Variants in TICRR observed in about 807,000 individuals in gnomAD.
TICRR encodes the protein treslin.
Under a neutral mutation model 178.1 loss-of-function variants are expected in TICRR, and 132 were observed. The observed-to-expected ratio is 0.74, with a 90% CI of 0.64 to 0.86. The LOEUF is 0.86. TICRR is among the 40% of genes least tolerant of loss of function. TICRR has a pLI of 0.00. For missense variants in TICRR, 2,587 were observed against 2,334.3 expected, an observed-to-expected ratio of 1.11 and a Z score of -2.23; for synonymous variants, 991 against 900.7, an observed-to-expected ratio of 1.10 and a Z score of -1.79.
In TICRR at chr15:89,601,887, T is replaced by A. The variant is rs202042800; in HGVS notation, c.2478T>A (p.Pro826=). ...ACAAATCACCACTTCTTTCTGTGCCTTTTTTGTCAAGTGCTCGTAGATCAG... is the reference window on the plus strand; with the variant it reads ...ACAAATCACCACTTCTTTCTGTGCCATTTTTGTCAAGTGCTCGTAGATCAG... The part of the protein sequence containing the change: ...QENKSPLLSV[P]FLSSARRSVS... The change falls in exon 12 of 22, where the codon CCT becomes CCA. Residue 826 remains proline, a synonymous_variant. Coordinates refer to ENST00000268138, the MANE Select transcript of TICRR (RefSeq NM_152259.4). The A allele has an allele frequency of 6.9e-5, 111 of 1,614,096 alleles. No individual in the cohort carries two copies. In the African/African-American group the frequency reaches 1.4e-3, roughly 21 times the overall value.
intron 9 of TICRR, among the ~76,000 whole-genome samples, 178 bp downstream of exon 9, chr15:89,600,863 AGTGAGACC>A (rs1963082228): frequency 6.6e-6 from 1 of 152,130 alleles, no homozygotes; most frequent in South Asian, 2.1e-4. Flanking sequence ...TGGGCAATAT[AGTGAGACC>A]GTGTCTACCA....
chr15:89,604,768 C>A (rs1434208320), intron 13 of TICRR, among the ~76,000 whole-genome samples: 786 of 106,164 alleles, frequency 7.4e-3, no homozygotes, highest in African/African-American at 0.013. Context: ...GAGACTCTGT[C>A]AAAAAAAAAA....
intron 15 of TICRR, among the ~76,000 whole-genome samples, chr15:89,615,811 C>G (rs1167764702): frequency 6.6e-6 from 1 of 152,052 alleles, no homozygotes; most frequent in East Asian, 1.9e-4. Flanking sequence ...GAACCACCAA[C>G]TAGGTGTTAG....
chr15:89,585,372 A>G (rs548748455), intron 3 of TICRR, among the ~76,000 whole-genome samples: 82 of 152,312 alleles, frequency 5.4e-4, no homozygotes, highest in African/African-American at 1.9e-3. Context: ...GGTGGCTTTA[A>G]CAGGTTACTT....
chr15:89,601,711 C>G lies in TICRR; in HGVS notation c.2328-26C>G. On this transcript the variant is annotated intron_variant, in intron 11 of 21. Coordinates refer to ENST00000268138, the MANE Select transcript of TICRR (RefSeq NM_152259.4). ...TAGAGAGGGTAAGATGGTAACTGTTCCGTATTCGATCAATCTGTTCCACAG... is the reference window on the plus strand; with the variant it reads ...TAGAGAGGGTAAGATGGTAACTGTTGCGTATTCGATCAATCTGTTCCACAG... 3 of 1,613,802 alleles carry G rather than the reference C, an allele frequency of 1.9e-6. No homozygotes were observed. The South Asian group carries it at 3.3e-5, about 18-fold the overall frequency.
At chr15:89,580,628 T>C (rs1349131963) in intron 1 of TICRR, among the ~76,000 whole-genome samples, 2 of 152,260 alleles carry the variant, frequency 1.3e-5, no homozygotes, top group African/African-American at 2.4e-5. Flanking sequence ...AATACATTGT[T>C]TATCTTCATT....
At chr15:89,611,611 A>G (rs954578496) in intron 15 of TICRR, among the ~76,000 whole-genome samples, 4 of 151,878 alleles carry the variant, frequency 2.6e-5, no homozygotes, top group Non-Finnish European at 4.4e-5. Flanking sequence ...CCCATGATAT[A>G]TGTGTTGGTA....
chr15:89,595,824 C>CT (rs1210244186), intron 7 of TICRR, among the ~76,000 whole-genome samples: 1 of 152,004 alleles, frequency 6.6e-6, no homozygotes, highest in African/African-American at 2.4e-5. Context: ...GATTGCACCA[C>CT]TGCACTCCAG....
At position 89,584,179 on chromosome 15, in the gene TICRR, C is replaced by G. The variant is rs1962778246; in HGVS notation, c.935-107C>G. 4 of 1,147,606 alleles carry G rather than the reference C, an allele frequency of 3.5e-6. No homozygotes were observed. The Admixed American group carries it at 8.8e-5, about 25-fold the overall frequency. 71.1% of individuals were successfully genotyped at this position (1,147,606 alleles called of 1,614,324 possible). A position where few individuals can be genotyped will look rare whatever the true frequency, so the allele number is the denominator to read the frequency against. The stretch of plus-strand genomic sequence containing the variant: ...TCTCAATTGACAACTTGATTATTTT[C>G]TTATTGTTATTAAATCTCTTTTTAG... On this transcript the variant is annotated intron_variant, in intron 2 of 21. Coordinates refer to ENST00000268138, the MANE Select transcript of TICRR (RefSeq NM_152259.4).
chr15:89,594,805 G>A (rs1214163955), intron 6 of TICRR, among the ~76,000 whole-genome samples: 2 of 152,038 alleles, frequency 1.3e-5, no homozygotes, highest in Middle Eastern at 6.8e-3. Context: ...TTTGTGTTCT[G>A]CTTATTAGTA....
rs1455839117 is a variant in TICRR, at chr15:89,575,539, C to A, written c.-48C>A. ...TTCCCTGAAGGAAGGGACTAAGGGA[C>A]GGTGGCGCGGGCCCGGACCGGGGCC... On this transcript the variant is annotated 5_prime_UTR_variant, in exon 1 of 22. Coordinates refer to ENST00000268138, the MANE Select transcript of TICRR (RefSeq NM_152259.4). 1.3e-5 allele frequency: 18 copies of A among 1,436,594 alleles called. No homozygotes were observed. Among genetic ancestry groups the A allele is most frequent in the Admixed American group, 9.0e-5 (3 of 33,404 alleles). The allele number at this position is 1,436,594 out of a possible 1,614,324, so 89.0% of individuals were successfully genotyped here.
rs1469250313 is a variant in TICRR, at chr15:89,601,486, C to G, written c.2248-3C>G. The G allele has an allele frequency of 5.0e-6, 8 of 1,614,142 alleles. No homozygotes were observed. Among genetic ancestry groups the G allele is most frequent in the Non-Finnish European group, 6.8e-6 (8 of 1,179,988 alleles). Reference sequence around the variant, plus strand: ...TATAGTAACGTTCTAAAATCTCCTTCAGGTGACAGATTTGCTGCGCATGGT... The same window carrying G: ...TATAGTAACGTTCTAAAATCTCCTTGAGGTGACAGATTTGCTGCGCATGGT... On this transcript the variant is annotated splice_polypyrimidine_tract_variant and splice_region_variant and intron_variant, in intron 10 of 21. Transcript: ENST00000268138.
intron 15 of TICRR, among the ~76,000 whole-genome samples, chr15:89,612,755 C>G (rs1251868422): frequency 1.3e-5 from 2 of 152,200 alleles, no homozygotes; most frequent in African/African-American, 4.8e-5. Context: ...CCTCACTCCC[C>G]TTGGAGATTA....
intron 14 of TICRR, among the ~76,000 whole-genome samples, chr15:89,607,931 T>G (rs1258141317): frequency 6.6e-6 from 1 of 152,118 alleles, no homozygotes; most frequent in African/African-American, 2.4e-5. Flanking sequence ...AGAATAAAAT[T>G]TAAAATGTCC....
At chr15:89,609,100 C>CTTTTTTTTTTTTTTTTTTTTTTTTTTT (rs59398617) in intron 15 of TICRR, 151 bp downstream of exon 15, 2 of 81,478 alleles carry the variant, frequency 2.5e-5, no homozygotes, top group African/African-American at 2.1e-4. Flanking sequence ...TTTTGTTAAT[C>CTTTTTTTTTTTTTTTTTTTTTTTTTTT]TTTTTTTTTT....
chr15:89,627,218 T>C lies in TICRR; in HGVS notation c.*132T>C. The stretch of plus-strand genomic sequence containing the variant: ...AGATTGCCATTAGAATGCCTTAGGG[T>C]TTTCTAATTCCCCTTATGGATCCAA... On this transcript the variant is annotated 3_prime_UTR_variant, in exon 22 of 22. Coordinates refer to ENST00000268138, the MANE Select transcript of TICRR (RefSeq NM_152259.4). 1.8e-6 allele frequency: 2 copies of C among 1,102,986 alleles called. No individual in the cohort carries two copies. Among genetic ancestry groups the C allele is most frequent in the Non-Finnish European group, 2.6e-6 (2 of 775,938 alleles). The allele number at this position is 1,102,986 out of a possible 1,614,324, so 68.3% of individuals were successfully genotyped here.
At position 89,625,276 on chromosome 15, in the gene TICRR, AC is replaced by A. The variant is rs1567053830; in HGVS notation, c.4971del (p.Ser1658LeufsTer24). On this transcript the variant is annotated frameshift_variant, in exon 20 of 22. Transcript: ENST00000268138. LOFTEE classifies it high-confidence loss of function. ...TACCCCCACCCACGGCCCTTCTAGT[AC>A]CCCCTCTCCATTTCAAACAGATGGG... ...ACTPTHGPSS[T>X]PSPFQTDGVP... 1.9e-6 allele frequency: 3 copies of A among 1,613,004 alleles called. No homozygotes were observed. The highest frequency in any genetic ancestry group is 2.5e-6 in the Non-Finnish European group (3 of 1,179,648).
intron 15 of TICRR, among the ~76,000 whole-genome samples, chr15:89,615,441 G>A (rs1431865528): frequency 6.6e-6 from 1 of 152,324 alleles, no homozygotes; most frequent in East Asian, 1.9e-4. Context: ...GGGGGAAGGG[G>A]CAGGGACTAA....
chr15:89,599,208 C>A (rs928271578), intron 7 of TICRR, 116 bp from the exon 8 acceptor site: 2 of 703,018 alleles, frequency 2.8e-6, no homozygotes, highest in South Asian at 2.2e-5. Context: ...ACAATCCAGA[C>A]AAGGCCAAAT....
Sources: allele counts gnomAD v4.1 joint callset (sites outside exome capture counted in the v4.1 genomes callset), GRCh38; gene constraint gnomAD v4.1.1; transcripts MANE v1.5; gene names NCBI Gene and HGNC (gene_info 2026-07-23, HGNC 2026-07-21).